The following RND1 variants were observed in gnomAD, a reference collection of about 807,000 sequenced individuals.
RND1 encodes rho-related GTP-binding protein Rho6.
Under a neutral mutation model 27.1 loss-of-function variants are expected in RND1, and 9 were observed. The observed-to-expected ratio is 0.33, with a 90% confidence interval of 0.20 to 0.58. RND1 has a LOEUF of 0.58. Ranked by LOEUF, RND1 falls within the 20% of genes least tolerant of loss-of-function variation. The probability of loss-of-function intolerance (pLI) is 0.86; values close to 1 mark genes in which losing one functional copy is unlikely to be tolerated. For synonymous variants in RND1, 108 were observed against 115.7 expected (o/e 0.93, Z 0.43); for missense variants, 253 against 292.2 (o/e 0.87, Z 0.98).
intron 4 of RND1, chr12:48,858,748 A>C (rs1188358899): frequency 2.0e-5 from 3 of 152,864 alleles, no homozygotes; most frequent in African/African-American, 7.3e-5. Flanking sequence ...AATTCACTGG[A>C]AGTGGGCACA....
chr12:48,857,762 G>A lies in RND1; in HGVS notation c.*234C>T, dbSNP rs1041701591. ...GAGCGGGGGGGGCACTGGGGTAGTC[G>A]CCCCCTCCAAAATCTAGTGCCTGGC... is the stretch of plus-strand genomic sequence containing the variant. On this transcript the variant is annotated 3_prime_UTR_variant, in exon 5 of 5. Transcript: ENST00000309739. The A allele has an allele frequency of 3.3e-5, 13 of 398,904 alleles. No homozygotes were observed. Among genetic ancestry groups the A allele is most frequent in the African/African-American group, 1.7e-4 (8 of 48,310 alleles). 24.7% of individuals were successfully genotyped at this position (398,904 alleles called of 1,614,324 possible).
chr12:48,858,927 G>GC (rs1180358315), intron 4 of RND1: 1 of 145,954 alleles, frequency 6.9e-6, no homozygotes, highest in Non-Finnish European at 1.5e-5. Context: ...TGGGTATAGA[G>GC]CCAAGGCATT....
chr12:48,860,993 A>G lies in RND1; in HGVS notation c.453+4T>C. Reference sequence around the variant, plus strand: ...CCACGACATGCACTTGCATGCGCACACACCTGCTCATAGGAGATGGGCGCC... The same window carrying G: ...CCACGACATGCACTTGCATGCGCACGCACCTGCTCATAGGAGATGGGCGCC... On this transcript the variant is annotated splice_donor_region_variant and intron_variant, in intron 4 of 4. Coordinates refer to ENST00000309739, the MANE Select transcript of RND1 (RefSeq NM_014470.4). The G allele has an allele frequency of 6.2e-7, 1 of 1,613,112 alleles. No individual in the cohort carries two copies. Among genetic ancestry groups the G allele is most frequent in the Non-Finnish European group, 8.5e-7 (1 of 1,180,034 alleles).
At position 48,861,124 on chromosome 12, in the gene RND1, G is replaced by A; in HGVS notation, c.326C>T (p.Thr109Ile). ...GCTGGGACAATAATCTAGGATTTCTGTCCTCCACTGAGGGGTGGAGCAGGA... is the reference window on the plus strand; with the variant it reads ...GCTGGGACAATAATCTAGGATTTCTATCCTCCACTGAGGGGTGGAGCAGGA... ...TVDSALKKWR[T>I]EILDYCPSTR... is the part of the protein sequence containing the mutation. Residue 109 changes from threonine to isoleucine, a missense_variant, in exon 4 of 5, where the codon ACA (threonine) becomes ATA (isoleucine). Physicochemically the swap from Thr to Ile is moderately conservative, Grantham distance 89. Coordinates refer to ENST00000309739, the MANE Select transcript of RND1 (RefSeq NM_014470.4). 1.2e-6 allele frequency: 2 copies of A among 1,611,358 alleles called. No individual in the cohort carries two copies. Among genetic ancestry groups the A allele is most frequent in the Non-Finnish European group, 1.7e-6 (2 of 1,178,094 alleles).
rs1471780196 is a variant in RND1 at position 48,857,982 on chromosome 12, C to T, written c.*14G>A. 3 of 1,578,070 alleles carry T rather than the reference C, an allele frequency of 1.9e-6. No homozygotes were observed. The highest frequency in any genetic ancestry group is 2.6e-6 in the Non-Finnish European group (3 of 1,161,520). The stretch of plus-strand genomic sequence containing the variant: ...GAGGAAGTAGGGGGTTGTCTCCCCC[C>T]TCCAATTTCCACTTCACATAATGGA... On this transcript the variant is annotated 3_prime_UTR_variant, in exon 5 of 5. Transcript: ENST00000309739.
intron 1 of RND1, chr12:48,865,323 G>C (rs1215997319): frequency 4.8e-6 from 2 of 416,928 alleles, no homozygotes; most frequent in Admixed American, 3.6e-5. Context: ...ATTACGTCAA[G>C]AAGAAACCCC....
intron 3 of RND1, among the ~76,000 whole-genome samples, chr12:48,861,628 G>C (rs1006589151): frequency 2.0e-5 from 3 of 152,180 alleles, no homozygotes; most frequent in Non-Finnish European, 4.4e-5. Flanking sequence ...GCTCAGACCT[G>C]CCTGGCTTGC....
In RND1 at chr12:48,865,791, A is replaced by C; in HGVS notation, c.-24T>G. The C allele has an allele frequency of 6.4e-7, 1 of 1,565,848 alleles. No individual in the cohort carries two copies. The highest frequency in any genetic ancestry group is 8.7e-7 in the Non-Finnish European group (1 of 1,149,852). On this transcript the variant is annotated 5_prime_UTR_variant, in exon 1 of 5. Coordinates refer to ENST00000309739, the MANE Select transcript of RND1 (RefSeq NM_014470.4). Reference sequence around the variant, plus strand: ...ATGGTTGCAGTGTCCGCGGGACTTGAACTTCGATTCAGAAGGGAGGGTTGC... The same window carrying C: ...ATGGTTGCAGTGTCCGCGGGACTTGCACTTCGATTCAGAAGGGAGGGTTGC...
At chr12:48,859,521 C>A (rs1199706303) in intron 4 of RND1, among the ~76,000 whole-genome samples, 1 of 151,894 alleles carries the variant, frequency 6.6e-6, no homozygotes, top group East Asian at 2.0e-4. Context: ...GCCTGGGTGA[C>A]AAGAGCGAAA....
At chr12:48,864,335 G>A (rs1008838429) in intron 2 of RND1, among the ~76,000 whole-genome samples, 4 of 151,786 alleles carry the variant, frequency 2.6e-5, no homozygotes, top group Admixed American at 2.6e-4. Flanking sequence ...GCTGCCTCCA[G>A]CAGCACTGCC....
At position 48,865,698 on chromosome 12, in the gene RND1, A is replaced by C; in HGVS notation, c.70T>G (p.Cys24Gly). Residue 24 changes from cysteine to glycine, a missense_variant, in exon 1 of 5, where the codon TGT (cysteine) becomes GGT (glycine). By Grantham distance (159) the Cys-to-Gly change is radical. Coordinates refer to ENST00000309739, the MANE Select transcript of RND1 (RefSeq NM_014470.4). ...ACTTGCAACATCGCGGTCTTCCCACACTGCACGTCCCCGACCAGAACGAGC... is the reference window on the plus strand; with the variant it reads ...ACTTGCAACATCGCGGTCTTCCCACCCTGCACGTCCCCGACCAGAACGAGC... ...CKLVLVGDVQ[C>G]GKTAMLQVLA... 1 of 1,614,066 alleles carries C rather than the reference A, an allele frequency of 6.2e-7. No homozygotes were observed. Among genetic ancestry groups the C allele is most frequent in the Non-Finnish European group, 8.5e-7 (1 of 1,179,990 alleles).
rs757080448 is a variant in RND1, at chr12:48,864,768, G to A, written c.208+15C>T. On this transcript the variant is annotated intron_variant, in intron 2 of 4. Transcript: ENST00000309739. ...AGTAGGGGTGGGAAAGGGGTATTTG[G>A]AGCAGAATTCTTACCTGAGGTATCC... The A allele has an allele frequency of 1.3e-6, 2 of 1,584,586 alleles. No individual in the cohort carries two copies. Among genetic ancestry groups the A allele is most frequent in the Non-Finnish European group, 1.7e-6 (2 of 1,153,254 alleles).
rs1938924217 is a variant in RND1, at chr12:48,861,994, T to C, written c.318+15A>G. The C allele has an allele frequency of 2.1e-6, 3 of 1,411,704 alleles. No individual in the cohort carries two copies. The South Asian group carries it at 3.5e-5, about 16-fold the overall frequency. 87.4% of individuals were successfully genotyped at this position (1,411,704 alleles called of 1,614,324 possible). A position where few individuals can be genotyped will look rare whatever the true frequency, so the allele number is the denominator to read the frequency against. On this transcript the variant is annotated intron_variant, in intron 3 of 4. Coordinates refer to ENST00000309739, the MANE Select transcript of RND1 (RefSeq NM_014470.4). ...TCATGCTGAGTTAGAGATTAGAGAGTTGATCTAGTCTTACCTTCTTGAGTG... is the reference window on the plus strand; with the variant it reads ...TCATGCTGAGTTAGAGATTAGAGAGCTGATCTAGTCTTACCTTCTTGAGTG...
chr12:48,865,006 G>A (rs1034329048), intron 1 of RND1, 136 bp from the exon 2 acceptor site: 3 of 723,210 alleles, frequency 4.1e-6, no homozygotes, highest in South Asian at 3.0e-5. Context: ...GCCTGGGGCA[G>A]GAGGGAAGGG....
rs1938978767 is a variant in RND1, at chr12:48,865,748, G to A, written c.20C>T (p.Pro7Leu). 7 of 1,605,582 alleles carry A rather than the reference G, an allele frequency of 4.4e-6. No homozygotes were observed. In the Admixed American group the frequency reaches 1.0e-4, roughly 23 times the overall value. Residue 7 changes from proline to leucine, a missense_variant, in exon 1 of 5, where the codon CCC becomes CTC. By Grantham distance (98) the Pro-to-Leu change is moderately conservative. Transcript: ENST00000309739. Reference protein sequence around the residue: MKERRAPQPVVARCKLV... With the variant: MKERRALQPVVARCKLV... ...CTTACATCTGGCCACGACTGGCTGG[G>A]GGGCCCGTCTCTCCTTCATGGTTGC...
intron 4 of RND1, among the ~76,000 whole-genome samples, chr12:48,859,827 A>G (rs1260653324): frequency 6.6e-6 from 1 of 152,150 alleles, no homozygotes; most frequent in Non-Finnish European, 1.5e-5. Context: ...TCAAGGCTGC[A>G]TAAACAACTA....
intron 4 of RND1, 148 bp from the exon 5 acceptor site, chr12:48,858,389 CT>C (rs566310279): frequency 0.21 from 113,462 of 530,344 alleles, 408 homozygotes; most frequent in Middle Eastern, 0.25. Flanking sequence ...ATTATCTTTT[CT>C]TTTTTTTTTT....
At chr12:48,858,306 C>G (rs141774337) in intron 4 of RND1, 65 bp from the exon 5 acceptor site, 3 of 1,568,944 alleles carry the variant, frequency 1.9e-6, no homozygotes, top group Non-Finnish European at 1.7e-6. Flanking sequence ...TGCCTCTGTG[C>G]GTCACTCCCC....
At chr12:48,858,458 T>G in intron 4 of RND1, 1 of 523,540 alleles carries the variant, frequency 1.9e-6, no homozygotes, top group Non-Finnish European at 3.3e-6. Context: ...GATGCCTGAC[T>G]GCACATTATA....
Sources: allele counts gnomAD v4.1 joint callset (sites outside exome capture counted in the v4.1 genomes callset), GRCh38; gene constraint gnomAD v4.1.1; transcripts MANE v1.5; gene names NCBI Gene and HGNC (gene_info 2026-07-23, HGNC 2026-07-21).